Variants in LTBP1 observed in about 807,000 individuals in gnomAD.
LTBP1 encodes latent transforming growth factor beta binding protein 1, also known as latent-transforming growth factor beta-binding protein 1.
In LTBP1, 129 loss-of-function variants were observed where a neutral mutation model predicts 207.6. That is an observed-to-expected ratio of 0.62 (90% CI 0.54 to 0.72). The LOEUF is 0.72. LTBP1 is among the 30% of genes least tolerant of loss of function. The pLI, the probability that LTBP1 is intolerant of heterozygous loss-of-function variation, is 0.00. For missense variants in LTBP1, 2,281 were observed against 2,217.2 expected, an observed-to-expected ratio of 1.03 and a Z score of -0.58; for synonymous variants, 963 against 833.7, an observed-to-expected ratio of 1.16 and a Z score of -2.67.
At chr2:33,288,202 A>T (rs984345221) in intron 19 of LTBP1, among the ~76,000 whole-genome samples, 4 of 152,210 alleles carry the variant, frequency 2.6e-5, no homozygotes, top group African/African-American at 9.6e-5. Flanking sequence ...TAATACAGGT[A>T]AATTACTGCT....
chr2:33,118,102 A>G (rs2080865426), intron 4 of LTBP1, among the ~76,000 whole-genome samples: 1 of 151,110 alleles, frequency 6.6e-6, no homozygotes, highest in Non-Finnish European at 1.5e-5. Flanking sequence ...AGATGGACCA[A>G]GTGGGTCCAT....
intron 13 of LTBP1, among the ~76,000 whole-genome samples, 182 bp from the exon 14 acceptor site, chr2:33,262,540 C>CTTT (rs369761322): frequency 4.1e-5 from 4 of 98,480 alleles, no homozygotes; most frequent in Non-Finnish European, 4.3e-5. Context: ...ATCAAAGGTT[C>CTTT]TTTTTTTTTT....
chr2:32,952,901 A>G (rs1226030526), intron 2 of LTBP1, among the ~76,000 whole-genome samples: 1 of 152,206 alleles, frequency 6.6e-6, no homozygotes, highest in East Asian at 1.9e-4. Flanking sequence ...TGCCTGGCAC[A>G]TTGCAGGCCT....
chr2:33,100,424 AG>A (rs919108456), intron 3 of LTBP1, among the ~76,000 whole-genome samples: 1 of 151,592 alleles, frequency 6.6e-6, no homozygotes, highest in African/African-American at 2.4e-5. Context: ...GGATGGGGGC[AG>A]GGGGGGCAAG....
chr2:33,056,977 G>A (rs6726326), intron 3 of LTBP1, among the ~76,000 whole-genome samples: 460 of 152,170 alleles, frequency 3.0e-3, no homozygotes, highest in African/African-American at 0.011. Context: ...TGATTGGTGC[G>A]TTTACAATCC....
chr2:33,228,546 T>G (rs1161472439), intron 9 of LTBP1, among the ~76,000 whole-genome samples: 1 of 152,148 alleles, frequency 6.6e-6, no homozygotes, highest in East Asian at 1.9e-4. Context: ...TACTATGGGT[T>G]AGTCCATATG....
intron 31 of LTBP1, among the ~76,000 whole-genome samples, chr2:33,381,964 A>G (rs1482242790): frequency 2.0e-5 from 3 of 151,656 alleles, no homozygotes; most frequent in Non-Finnish European, 4.4e-5. Flanking sequence ...GAAACAGTGT[A>G]TGCAAAAGTA....
intron 11 of LTBP1, among the ~76,000 whole-genome samples, chr2:33,253,348 T>C (rs1304512686): frequency 6.6e-6 from 1 of 152,240 alleles, no homozygotes; most frequent in Non-Finnish European, 1.5e-5. Flanking sequence ...TTGCCAAAAC[T>C]CCTGAAAACT....
At chr2:33,070,981 A>T (rs1331518291) in intron 3 of LTBP1, among the ~76,000 whole-genome samples, 1 of 152,202 alleles carries the variant, frequency 6.6e-6, no homozygotes, top group Non-Finnish European at 1.5e-5. Context: ...CCCTTGCTAG[A>T]TGTATGAGAA....
intron 3 of LTBP1, among the ~76,000 whole-genome samples, chr2:33,076,147 C>G (rs183179200): frequency 1.8e-3 from 280 of 152,226 alleles, no homozygotes; most frequent in African/African-American, 6.4e-3. Flanking sequence ...TGAGCAGGAT[C>G]GGGAGCTCAC....
intron 24 of LTBP1, among the ~76,000 whole-genome samples, chr2:33,317,452 T>A (rs2094289679): frequency 6.6e-6 from 1 of 152,244 alleles, no homozygotes; most frequent in South Asian, 2.1e-4. Context: ...CTTAATCCAA[T>A]ATTCTAAATT....
At chr2:33,152,953 A>G (rs1281813870) in intron 5 of LTBP1, among the ~76,000 whole-genome samples, 1 of 152,220 alleles carries the variant, frequency 6.6e-6, no homozygotes, top group African/African-American at 2.4e-5. Flanking sequence ...TTAAGTCTTA[A>G]TTTCTTCCTC....
intron 17 of LTBP1, 130 bp downstream of exon 17, chr2:33,275,220 C>A: frequency 9.5e-7 from 1 of 1,054,884 alleles, no homozygotes; most frequent in Non-Finnish European, 1.3e-6. Context: ...TGACAGCAGT[C>A]TGCTAGATCC....
intron 31 of LTBP1, among the ~76,000 whole-genome samples, chr2:33,374,851 C>T (rs1186926733): frequency 3.9e-5 from 6 of 152,102 alleles, no homozygotes; most frequent in Non-Finnish European, 8.8e-5. Flanking sequence ...ACTCTGGAGG[C>T]TGAGGCAGAA....
intron 7 of LTBP1, among the ~76,000 whole-genome samples, chr2:33,202,847 G>C (rs995628651): frequency 6.6e-6 from 1 of 152,242 alleles, no homozygotes; most frequent in Non-Finnish European, 1.5e-5. Flanking sequence ...CTGCTGGGCA[G>C]TGACTGGGGA....
intron 5 of LTBP1, among the ~76,000 whole-genome samples, chr2:33,169,054 G>A (rs2085191429): frequency 6.6e-6 from 1 of 152,236 alleles, no homozygotes; most frequent in Admixed American, 6.5e-5. Context: ...AAAAGGAGTT[G>A]TAGTCGGGCC....
At chr2:33,104,388 A>T (rs1259674926) in intron 3 of LTBP1, among the ~76,000 whole-genome samples, 1 of 152,100 alleles carries the variant, frequency 6.6e-6, no homozygotes, top group Non-Finnish European at 1.5e-5. Context: ...CATAATATGC[A>T]GTCATATTTT....
chr2:33,056,450 G>T, intron 3 of LTBP1: 1 of 953,380 alleles, frequency 1.0e-6, no homozygotes, highest in Non-Finnish European at 1.5e-6. Flanking sequence ...TTAGTTCCCT[G>T]TTGTTGCAAA....
chr2:32,998,065 A>G (rs754062271), intron 2 of LTBP1, among the ~76,000 whole-genome samples: 12 of 152,230 alleles, frequency 7.9e-5, no homozygotes, highest in Non-Finnish European at 1.5e-4. Flanking sequence ...AGATTTGAGC[A>G]TGGTTCCTGG....
Sources: gnomAD v4.1 joint callset for allele counts (sites outside exome capture counted in the v4.1 genomes callset) on GRCh38, gnomAD v4.1.1 for gene constraint, MANE v1.5 for transcripts, NCBI Gene and HGNC (gene_info 2026-07-23, HGNC 2026-07-21) for gene names.